IL7: variants seen among roughly 807,000 people sequenced by gnomAD.
IL7 encodes the protein interleukin 7.
IL7 carries 3 observed loss-of-function variants against 21.6 expected under a neutral mutation model. The observed-to-expected ratio is 0.14, with a 90% CI of 0.06 to 0.36. IL7 has a LOEUF of 0.36. Among genes scored for constraint, IL7 ranks in the 10% least tolerant of loss-of-function variants. IL7 has a pLI of 1.00. For synonymous variants in IL7, 62 were observed against 68.1 expected (o/e 0.91, Z 0.44); for missense variants, 175 against 200.2 (o/e 0.87, Z 0.76).
intron 5 of IL7, chr8:78,719,564 C>T (rs1389987260): frequency 1.3e-5 from 2 of 151,560 alleles, no homozygotes; most frequent in African/African-American, 4.8e-5. Flanking sequence ...TTTATTTTCA[C>T]AAGTATTTGA....
At chr8:78,710,989 T>C (rs1286027216) in intron 3 of IL7, among the ~76,000 whole-genome samples, 2 of 152,042 alleles carry the variant, frequency 1.3e-5, no homozygotes, top group East Asian at 3.8e-4. Context: ...CTAAACTCCA[T>C]AAGAACAGGT....
At chr8:78,770,935 T>C (rs748485205) in intron 2 of IL7, among the ~76,000 whole-genome samples, 3 of 152,036 alleles carry the variant, frequency 2.0e-5, no homozygotes, top group Non-Finnish European at 2.9e-5. Flanking sequence ...AAAATTCCCA[T>C]AATGTTATCT....
At chr8:78,757,073 G>A (rs189583506) in intron 2 of IL7, among the ~76,000 whole-genome samples, 1 of 151,608 alleles carries the variant, frequency 6.6e-6, no homozygotes, top group East Asian at 1.9e-4. Context: ...CCATAGGTTT[G>A]GGTATGTTGT....
intron 3 of IL7, among the ~76,000 whole-genome samples, chr8:78,708,996 T>C (rs561488865): frequency 6.6e-6 from 1 of 152,284 alleles, no homozygotes; most frequent in East Asian, 1.9e-4. Context: ...ACCAGGAAAT[T>C]TTAGAAATAC....
intron 5 of IL7, 145 bp from the exon 6 acceptor site, chr8:78,733,977 A>G: frequency 1.8e-6 from 1 of 557,028 alleles, no homozygotes; most frequent in Middle Eastern, 5.3e-4. Context: ...AAAGACGATG[A>G]TTTCTAACTA....
rs185592263 is a variant in IL7 at position 78,707,386 on chromosome 8, A to C, written n.214+13962T>G. ...AGTTAGAAGACTAGGTTTCTGCATC[A>C]TAATCTGCCACTAAATAGCTTTGGG... On this transcript the variant is annotated intron_variant and non_coding_transcript_variant, in intron 3 of 4. Transcript: ENST00000523959. Among the ~76,000 whole-genome samples the C allele has an allele frequency of 2.4e-3, 361 of 152,332 alleles. 2 individuals carry two copies. Among genetic ancestry groups the C allele is most frequent in the African/African-American group, 8.1e-3 (338 of 41,582 alleles).
intron 2 of IL7, among the ~76,000 whole-genome samples, chr8:78,780,683 G>A (rs1813299153): frequency 6.6e-6 from 1 of 152,156 alleles, no homozygotes; most frequent in African/African-American, 2.4e-5. Context: ...AGTGCCATGT[G>A]GTGCCAAGAA....
At chr8:78,749,501 A>T (rs1319541147) in intron 2 of IL7, among the ~76,000 whole-genome samples, 1 of 152,152 alleles carries the variant, frequency 6.6e-6, no homozygotes, top group Non-Finnish European at 1.5e-5. Flanking sequence ...CAAATTAGAG[A>T]AACAGATAGA....
chr8:78,711,613 T>TAAA, intron 3 of IL7, among the ~76,000 whole-genome samples: 1 of 152,256 alleles, frequency 6.6e-6, no homozygotes, highest in Non-Finnish European at 1.5e-5. Context: ...TAGAGAAAGT[T>TAAA]TCCATGAATT....
intron 2 of IL7, among the ~76,000 whole-genome samples, chr8:78,792,072 C>G (rs1300756878): frequency 6.6e-6 from 1 of 152,154 alleles, no homozygotes; most frequent in Non-Finnish European, 1.5e-5. Context: ...TTGAGACTGT[C>G]TGGTCCTGGC....
chr8:78,724,945 T>G (rs1811314554), intron 3 of IL7, among the ~76,000 whole-genome samples: 1 of 152,012 alleles, frequency 6.6e-6, no homozygotes, highest in Non-Finnish European at 1.5e-5. Context: ...ACTGCCCAAC[T>G]CCTGTCTTCT....
At chr8:78,711,892 T>TAG in intron 3 of IL7, 2 of 625,004 alleles carry the variant, frequency 3.2e-6, no homozygotes, top group Non-Finnish European at 5.0e-6. Flanking sequence ...ACTTGGGGAG[T>TAG]AGATATCTGA....
At chr8:78,718,420 C>T (rs1157992750) in intron 6 of IL7, 1 of 151,872 alleles carries the variant, frequency 6.6e-6, no homozygotes, top group African/African-American at 2.4e-5. Context: ...CATTTTAATG[C>T]ATCTTAAATC....
intron 4 of IL7, chr8:78,678,657 C>T: frequency 6.2e-7 from 1 of 1,608,904 alleles, no homozygotes; most frequent in Non-Finnish European, 8.5e-7. Flanking sequence ...GATATTCCAA[C>T]AGTAAAACCT....
Position 78,797,409 on chromosome 8 carries a change from G to A in IL7, c.147+663C>T, listed in dbSNP as rs115708712. On this transcript the variant is annotated intron_variant, in intron 2 of 5. Transcript: ENST00000263851. ...AATGTTAACTATGCACTTATGTAAT[G>A]TATCAATGCTGGCTCATCAATTGTA... Among the ~76,000 whole-genome samples the A allele has an allele frequency of 7.8e-3, 1,186 of 152,070 alleles. 19 individuals carry two copies. The highest frequency in any genetic ancestry group is 0.026 in the African/African-American group (1,095 of 41,530).
chr8:78,802,652 C>T (rs866800220), intron 1 of IL7, among the ~76,000 whole-genome samples: 4 of 151,948 alleles, frequency 2.6e-5, no homozygotes, highest in South Asian at 4.1e-4. Flanking sequence ...AGCCTGGTCT[C>T]GAACTCCTGA....
intron 3 of IL7, among the ~76,000 whole-genome samples, chr8:78,697,063 A>T (rs1286365952): frequency 4.6e-5 from 7 of 152,164 alleles, no homozygotes; most frequent in Non-Finnish European, 1.0e-4. Flanking sequence ...CTTTGAGGTG[A>T]TATATTTTAA....
downstream of IL7, among the ~76,000 whole-genome samples, chr8:78,713,271 T>C (rs532935630): frequency 1.8e-4 from 28 of 152,254 alleles, no homozygotes; most frequent in African/African-American, 6.3e-4. Flanking sequence ...AAGGCCATTC[T>C]AGATGTTACT....
Position 78,733,424 on chromosome 8 carries a change from C to A in IL7, c.*289G>T. 1 of 249,196 alleles carries A rather than the reference C, an allele frequency of 4.0e-6. No homozygotes were observed. Among genetic ancestry groups the A allele is most frequent in the Non-Finnish European group, 7.6e-6 (1 of 131,204 alleles). The allele number at this position is 249,196 out of a possible 1,614,324, so 15.4% of individuals were successfully genotyped here. A position where few individuals can be genotyped will look rare whatever the true frequency, so the allele number is the denominator to read the frequency against. ...TAAACAGGTTTGAGAAGTATTATTG[C>A]AACTGATACCTTACATGGATTGTCT... On this transcript the variant is annotated 3_prime_UTR_variant, in exon 6 of 6. Coordinates refer to ENST00000263851, the MANE Select transcript of IL7 (RefSeq NM_000880.4).
Sources: allele counts gnomAD v4.1 joint callset (sites outside exome capture counted in the v4.1 genomes callset), GRCh38; gene constraint gnomAD v4.1.1; transcripts MANE v1.5; gene names NCBI Gene and HGNC (gene_info 2026-07-23, HGNC 2026-07-21).